ASPHD1: variants seen among roughly 807,000 people sequenced by gnomAD.
ASPHD1 encodes aspartate beta-hydroxylase domain containing 1.
In ASPHD1, 20 loss-of-function variants were observed where a neutral mutation model predicts 28.3. The observed-to-expected ratio is 0.71, with a 90% CI of 0.50 to 1.03. ASPHD1 has a LOEUF of 1.03. Ranked by LOEUF, ASPHD1 falls within the 50% of genes least tolerant of loss-of-function variation. ASPHD1 has a pLI of 0.00. For synonymous variants in ASPHD1, 240 were observed against 221.2 expected, an observed-to-expected ratio of 1.08 and a Z score of -0.75; for missense variants, 479 against 524.1, an observed-to-expected ratio of 0.91 and a Z score of 0.84.
At position 29,901,413 on chromosome 16, in the gene ASPHD1, C is replaced by T. The variant is rs766134686; in HGVS notation, c.442C>T (p.Arg148Trp). The T allele has an allele frequency of 1.4e-5, 22 of 1,590,036 alleles. No individual in the cohort carries two copies. The highest frequency in any genetic ancestry group is 1.5e-5 in the Non-Finnish European group (18 of 1,169,726). ...ACCTAGGACGGAAGGCCTAGTGAGC[C>T]GGCGGCTTCGGGCCTACGCAAGGCG... ...EGPRTEGLVSRRLRAYARRYS... is the reference protein window; with the variant it reads ...EGPRTEGLVSWRLRAYARRYS... Residue 148 changes from arginine (R) to tryptophan (W), a missense_variant, in exon 1 of 3, where the codon CGG (arginine) becomes TGG (tryptophan). By Grantham distance (101) the Arg-to-Trp change is moderately radical. Transcript: ENST00000308748. The surrounding 1 kb of genome is among the most constrained non-coding windows in gnomAD (Gnocchi z 5.1).
At chr16:29,905,357 G>A (rs541505385) in intron 2 of ASPHD1, among the ~76,000 whole-genome samples, 14 of 152,242 alleles carry the variant, frequency 9.2e-5, no homozygotes, top group South Asian at 2.1e-4. Flanking sequence ...CGGGCATGGT[G>A]GCTCACGCCT....
intron 2 of ASPHD1, 28 bp downstream of exon 2, chr16:29,904,993 G>A (rs773020588): frequency 3.2e-6 from 5 of 1,548,164 alleles, no homozygotes; most frequent in African/African-American, 2.7e-5. Flanking sequence ...CTGCAGGGGG[G>A]ATGAGGGACT....
At chr16:29,903,716 T>G (rs1243184964) in intron 1 of ASPHD1, among the ~76,000 whole-genome samples, 1 of 152,046 alleles carries the variant, frequency 6.6e-6, no homozygotes, top group African/African-American at 2.4e-5. Flanking sequence ...TGCTGTTCTT[T>G]TCAACCTAGA....
At position 29,901,768 on chromosome 16, in the gene ASPHD1, G is replaced by C; in HGVS notation, c.797G>C (p.Arg266Pro). Residue 266 changes from arginine to proline, a missense_variant, in exon 1 of 3, where the codon CGC becomes CCC. By Grantham distance (103) the Arg-to-Pro change is moderately radical (BLOSUM62 -2). Transcript: ENST00000308748. The surrounding 1 kb of genome is among the most constrained non-coding windows in gnomAD (Gnocchi z 5.1). ...GGCCGGTGCCAACCCAGCAACTGCC[G>C]CCGGTGCCCGGGGGCCTATCGGGCA... ...QAGRCQPSNC[R>P]RCPGAYRALR... is the part of the protein sequence containing the mutation. 6.4e-7 allele frequency: 1 copy of C among 1,552,168 alleles called. No homozygotes were observed. The highest frequency in any genetic ancestry group is 8.7e-7 in the Non-Finnish European group (1 of 1,148,974).
chr16:29,910,970 C>A (rs372998646), downstream of ASPHD1: 1 of 1,613,038 alleles, frequency 6.2e-7, no homozygotes, highest in Non-Finnish European at 8.5e-7. Flanking sequence ...CTCTGGAGCC[C>A]CTCTGACCTT....
chr16:29,906,949 C>T, downstream of ASPHD1: 1 of 1,614,134 alleles, frequency 6.2e-7, no homozygotes, highest in Non-Finnish European at 8.5e-7. Context: ...ATCCTGCGGA[C>T]ACGGTGCTCT....
At chr16:29,902,760 C>A (rs1218834975) in intron 1 of ASPHD1, among the ~76,000 whole-genome samples, 1 of 152,098 alleles carries the variant, frequency 6.6e-6, no homozygotes, top group African/African-American at 2.4e-5. Flanking sequence ...CGTGATCAAT[C>A]CGCCTCGGCC....
chr16:29,908,756 G>A (rs1455883435), downstream of ASPHD1, among the ~76,000 whole-genome samples: 1 of 150,938 alleles, frequency 6.6e-6, no homozygotes, highest in African/African-American at 2.4e-5. Flanking sequence ...AGGCTGGAGT[G>A]CAGTGGTGTG....
downstream of ASPHD1, among the ~76,000 whole-genome samples, chr16:29,910,351 T>C (rs1390288574): frequency 6.6e-6 from 1 of 151,852 alleles, no homozygotes; most frequent in Non-Finnish European, 1.5e-5. Flanking sequence ...TGAGCGGAGA[T>C]TGTGCCACTG....
chr16:29,903,055 T>G (rs953193599), intron 1 of ASPHD1, among the ~76,000 whole-genome samples: 1 of 151,566 alleles, frequency 6.6e-6, no homozygotes, highest in African/African-American at 2.4e-5. Flanking sequence ...GCTTGGCTGA[T>G]TTTTTAAAAA....
intron 1 of ASPHD1, among the ~76,000 whole-genome samples, chr16:29,902,169 A>G (rs1248653423): frequency 6.6e-6 from 1 of 152,154 alleles, no homozygotes; most frequent in East Asian, 1.9e-4. Flanking sequence ...CTTTTGTTCT[A>G]CGTATTTAAA....
intron 1 of ASPHD1, among the ~76,000 whole-genome samples, 195 bp downstream of exon 1, chr16:29,902,115 T>C (rs1021790722): frequency 2.0e-5 from 3 of 152,210 alleles, no homozygotes; most frequent in African/African-American, 4.8e-5. Context: ...GCCGTGGTCA[T>C]TCCCATCTGT....
At chr16:29,911,923 C>G in intron 3 of ASPHD1, 1 of 1,606,516 alleles carries the variant, frequency 6.2e-7, no homozygotes, top group Non-Finnish European at 8.5e-7. Flanking sequence ...GAGGCCCCCC[C>G]AGTGAGCCTC....
chr16:29,911,724 C>T (rs1276760337), intron 3 of ASPHD1: 5 of 1,380,056 alleles, frequency 3.6e-6, no homozygotes, highest in Non-Finnish European at 4.1e-6. Flanking sequence ...TCTTGTAGGC[C>T]CCCCGTGTGG....
chr16:29,906,397 G>A, downstream of ASPHD1: 2 of 297,530 alleles, frequency 6.7e-6, no homozygotes, highest in Non-Finnish European at 6.7e-6. Context: ...TAAATAATAT[G>A]AAACAGACTG....
At chr16:29,916,515 A>G (rs2068812092) in intron 3 of ASPHD1, among the ~76,000 whole-genome samples, 1 of 152,176 alleles carries the variant, frequency 6.6e-6, no homozygotes, top group Non-Finnish European at 1.5e-5. Flanking sequence ...CCCCCATTCC[A>G]GAAACCAAAG....
intron 3 of ASPHD1, chr16:29,911,167 T>G (rs1398075900): frequency 6.2e-7 from 1 of 1,613,920 alleles, no homozygotes; most frequent in South Asian, 1.1e-5. Context: ...GGTTGTCATC[T>G]GAAGTGCTGG....
Position 29,905,839 on chromosome 16 carries a change from C to G in ASPHD1, c.1115C>G (p.Pro372Arg). 6.2e-7 allele frequency: 1 copy of G among 1,613,762 alleles called. No homozygotes were observed. Among genetic ancestry groups the G allele is most frequent in the South Asian group, 1.1e-5 (1 of 91,074 alleles). Residue 372 changes from proline (P) to arginine (R), a missense_variant, in exon 3 of 3, where the codon CCC (proline) becomes CGC (arginine). Coordinates refer to ENST00000308748, the MANE Select transcript of ASPHD1 (RefSeq NM_181718.4). ...GTCTTCATCGTGGACCTCTGGCACC[C>G]CAACGTGGCAGGGGCTGAGCGCCAG... ...RVVFIVDLWH[P>R]NVAGAERQAL...
In ASPHD1 at chr16:29,901,054, G is replaced by A. The variant is rs758684908; in HGVS notation, c.83G>A (p.Gly28Glu). 5 of 1,602,904 alleles carry A rather than the reference G, an allele frequency of 3.1e-6. No individual in the cohort carries two copies. Among genetic ancestry groups the A allele is most frequent in the Non-Finnish European group, 4.3e-6 (5 of 1,174,750 alleles). ...ACAGCCCAGAGTGGAATGTGGAAGG[G>A]AAACAGTCCAGCGGGGAGCCAGGGG... The part of the protein sequence containing the change: ...RETAQSGMWK[G>E]NSPAGSQGAA... The change falls in exon 1 of 3, where the codon GGA becomes GAA. Residue 28 changes from glycine to glutamate, a missense_variant. Gly to Glu is a moderately conservative substitution (Grantham distance 98, BLOSUM62 -2). Coordinates refer to ENST00000308748, the MANE Select transcript of ASPHD1 (RefSeq NM_181718.4). This position sits in a 1 kb window ranked among gnomAD's most constrained non-coding sequence, Gnocchi z 5.1.
Sources: allele counts gnomAD v4.1 joint callset (sites outside exome capture counted in the v4.1 genomes callset), GRCh38; gene constraint gnomAD v4.1.1; non-coding constraint Gnocchi (gnomAD v3.1); transcripts MANE v1.5; gene names NCBI Gene and HGNC (gene_info 2026-07-23, HGNC 2026-07-21).